The following SOX6 variants were observed in gnomAD, a reference collection of about 807,000 sequenced individuals.
The protein encoded by SOX6 is transcription factor SOX-6.
Under a neutral mutation model 97.8 loss-of-function variants are expected in SOX6, and 11 were observed. The ratio of observed to expected loss-of-function variants is 0.11; its 90% CI spans 0.07 to 0.19. The LOEUF is 0.19. Ranked by LOEUF, SOX6 falls within the 10% of genes least tolerant of loss-of-function variation. The pLI is 1.00. For synonymous variants in SOX6, 360 were observed against 371.4 expected, an observed-to-expected ratio of 0.97 and a Z score of 0.35; for missense variants, 810 against 1,039.5, an observed-to-expected ratio of 0.78 and a Z score of 3.04.
chr11:16,421,394 C>T (rs569901926), intron 1 of SOX6, among the ~76,000 whole-genome samples: 15 of 151,618 alleles, frequency 9.9e-5, no homozygotes, highest in South Asian at 4.2e-4. Flanking sequence ...CTAGTAAGTC[C>T]GATTTTAATG....
At chr11:16,692,192 C>T (rs919309669) in intron 3 of SOX6, among the ~76,000 whole-genome samples, 2 of 151,944 alleles carry the variant, frequency 1.3e-5, no homozygotes, top group Non-Finnish European at 2.9e-5. Flanking sequence ...CCTGCCTCAG[C>T]CCCTAGTAGC....
At chr11:16,163,247 A>T (rs141504137) in intron 6 of SOX6, among the ~76,000 whole-genome samples, 1 of 152,200 alleles carries the variant, frequency 6.6e-6, no homozygotes, top group Non-Finnish European at 1.5e-5. Flanking sequence ...TGCTATATGC[A>T]TGTATTGGGT....
intron 4 of SOX6, among the ~76,000 whole-genome samples, chr11:16,520,928 G>A (rs1334826032): frequency 6.6e-6 from 1 of 152,230 alleles, no homozygotes; most frequent in Non-Finnish European, 1.5e-5. Flanking sequence ...GCTGGGGGAG[G>A]GGTGCCCCGC....
chr11:15,972,499 A>T lies in SOX6; in HGVS notation c.*310T>A, dbSNP rs571399723. 8.9e-5 allele frequency: 33 copies of T among 371,752 alleles called. No individual in the cohort carries two copies. In the South Asian group the frequency reaches 9.9e-4, roughly 11 times the overall value. 23.0% of individuals were successfully genotyped at this position (371,752 alleles called of 1,614,324 possible). On this transcript the variant is annotated 3_prime_UTR_variant, in exon 16 of 16. Transcript: ENST00000683767. ...TTATCAACATCCAAAAGAAAAAAAA[A>T]GTAAGACAAAAATATAAGACTTGTA...
intron 4 of SOX6, among the ~76,000 whole-genome samples, chr11:16,189,838 T>G (rs879465282): frequency 2.0e-5 from 3 of 152,184 alleles, no homozygotes; most frequent in Non-Finnish European, 4.4e-5. Flanking sequence ...TGATAGTTAC[T>G]GTACTATAAT....
intron 1 of SOX6, among the ~76,000 whole-genome samples, chr11:16,400,544 T>C (rs1013520643): frequency 1.3e-5 from 2 of 151,512 alleles, no homozygotes; most frequent in Admixed American, 1.3e-4. Flanking sequence ...GGTACATCCA[T>C]ATGATGGTAT....
chr11:16,461,315 C>CT (rs11315675), intron 1 of SOX6, among the ~76,000 whole-genome samples: 2 of 151,806 alleles, frequency 1.3e-5, no homozygotes, highest in African/African-American at 4.8e-5. Context: ...TGTAGCTTCT[C>CT]TTTTTTTTAA....
At chr11:16,679,812 T>C (rs757010739) in intron 3 of SOX6, among the ~76,000 whole-genome samples, 2 of 152,148 alleles carry the variant, frequency 1.3e-5, no homozygotes, top group Non-Finnish European at 2.9e-5. Context: ...TCGTGACACA[T>C]GCACAAGCTT....
intron 4 of SOX6, among the ~76,000 whole-genome samples, chr11:16,547,451 C>T (rs917775245): frequency 1.3e-5 from 2 of 151,898 alleles, no homozygotes; most frequent in Non-Finnish European, 2.9e-5. Context: ...CAATGGGATA[C>T]TATTCAGCCA....
intron 1 of SOX6, among the ~76,000 whole-genome samples, chr11:16,346,693 T>C (rs1856785784): frequency 6.6e-6 from 1 of 152,044 alleles, no homozygotes; most frequent in South Asian, 2.1e-4. Flanking sequence ...CTTCTAGAGT[T>C]TGTAGCAGCA....
intron 3 of SOX6, among the ~76,000 whole-genome samples, chr11:16,659,937 C>T (rs991566555): frequency 1.3e-5 from 2 of 152,022 alleles, no homozygotes; most frequent in African/African-American, 4.8e-5. Context: ...CCTTTATTTT[C>T]CTTTTAATGT....
intron 3 of SOX6, among the ~76,000 whole-genome samples, chr11:16,266,359 A>G (rs180896204): frequency 6.6e-6 from 1 of 151,782 alleles, no homozygotes; most frequent in Non-Finnish European, 1.5e-5. Context: ...GATGAAATAA[A>G]AAATTTTAGA....
chr11:16,132,494 A>AAG (rs1187879052), intron 6 of SOX6, among the ~76,000 whole-genome samples: 1 of 142,730 alleles, frequency 7.0e-6, no homozygotes, highest in Non-Finnish European at 1.6e-5. Context: ...GAAAGAAAGA[A>AAG]AGAAAGAAAG....
intron 3 of SOX6, among the ~76,000 whole-genome samples, chr11:16,239,574 C>T (rs2134182947): frequency 1.3e-5 from 2 of 152,204 alleles, no homozygotes; most frequent in Admixed American, 1.3e-4. Flanking sequence ...AAAAGTCAAA[C>T]CTTTAACCTC....
chr11:16,345,731 T>C (rs1035822101), intron 1 of SOX6, among the ~76,000 whole-genome samples: 3 of 152,062 alleles, frequency 2.0e-5, no homozygotes, highest in African/African-American at 7.2e-5. Context: ...ACTTTTCTGA[T>C]TTGACATTAT....
chr11:16,290,230 A>C (rs1247029366), intron 3 of SOX6, among the ~76,000 whole-genome samples: 1 of 152,046 alleles, frequency 6.6e-6, no homozygotes, highest in African/African-American at 2.4e-5. Flanking sequence ...ATCTGATGAA[A>C]ATAAACAGCT....
At chr11:16,253,688 G>GA (rs796125404) in intron 3 of SOX6, among the ~76,000 whole-genome samples, 29 of 148,898 alleles carry the variant, frequency 1.9e-4, no homozygotes, top group East Asian at 9.8e-4. Context: ...AATAAGACTG[G>GA]AAAAAAAAAC....
At position 16,365,203 on chromosome 11, in the gene SOX6, G is replaced by A. The variant is rs939386846; in HGVS notation, c.-4-23951C>T. Among the ~76,000 whole-genome samples the A allele has an allele frequency of 3.9e-5, 6 of 152,036 alleles. No individual in the cohort carries two copies. In the East Asian group the frequency reaches 9.7e-4, roughly 25 times the overall value. Reference sequence around the variant, plus strand: ...TGTGTATAGGAGAAAAACAGAGTACGGATAGGGTTCAGTACTATCTGTGGT... The same window carrying A: ...TGTGTATAGGAGAAAAACAGAGTACAGATAGGGTTCAGTACTATCTGTGGT... On this transcript the variant is annotated intron_variant, in intron 1 of 15. Transcript: ENST00000396356.
intron 1 of SOX6, among the ~76,000 whole-genome samples, chr11:16,446,494 C>T (rs1056581414): frequency 1.1e-4 from 16 of 152,154 alleles, no homozygotes; most frequent in African/African-American, 3.6e-4. Context: ...ATTTAATTAG[C>T]TTCATGGATC....
Sources: allele counts gnomAD v4.1 joint callset (sites outside exome capture counted in the v4.1 genomes callset), GRCh38; gene constraint gnomAD v4.1.1; transcripts MANE v1.5; gene names NCBI Gene and HGNC (gene_info 2026-07-23, HGNC 2026-07-21).